The following ABLIM3 variants were observed in gnomAD, a reference collection of about 807,000 sequenced individuals.
ABLIM3 encodes actin-binding LIM protein 3.
A neutral mutation model predicts 109.5 loss-of-function variants in ABLIM3; 61 were observed. The observed-to-expected ratio is 0.56, with a 90% CI of 0.45 to 0.69. The LOEUF is 0.69. Ranked by LOEUF, ABLIM3 falls within the 30% of genes least tolerant of loss-of-function variation. ABLIM3 has a pLI of 0.00. For missense variants in ABLIM3, 796 were observed against 889.5 expected, an observed-to-expected ratio of 0.89 and a Z score of 1.34; for synonymous variants, 300 against 324.8, an observed-to-expected ratio of 0.92 and a Z score of 0.82.
intron 2 of ABLIM3, among the ~76,000 whole-genome samples, chr5:149,164,978 C>T (rs918901713): frequency 1.3e-5 from 2 of 152,168 alleles, no homozygotes. Context: ...AACATATGCT[C>T]AGTTGTAGAA....
intron 3 of ABLIM3, among the ~76,000 whole-genome samples, chr5:149,188,202 A>C (rs536008376): frequency 6.6e-6 from 1 of 152,340 alleles, no homozygotes; most frequent in African/African-American, 2.4e-5. Context: ...AAAGGCATCC[A>C]GATTAAAAAG....
intron 17 of ABLIM3, 98 bp from the exon 18 acceptor site, chr5:149,247,684 G>C: frequency 6.7e-7 from 1 of 1,485,152 alleles, no homozygotes; most frequent in Non-Finnish European, 9.3e-7. Context: ...AGAGCAGGCT[G>C]CTATGGAGGA....
intron 18 of ABLIM3, among the ~76,000 whole-genome samples, chr5:149,249,560 C>T (rs1203611379): frequency 6.6e-6 from 1 of 152,166 alleles, no homozygotes; most frequent in Non-Finnish European, 1.5e-5. Flanking sequence ...CTTGTTCAAC[C>T]ACATCTGTGC....
intron 2 of ABLIM3, among the ~76,000 whole-genome samples, chr5:149,155,975 T>G (rs142252607): frequency 6.6e-6 from 1 of 152,282 alleles, no homozygotes; most frequent in Non-Finnish European, 1.5e-5. Flanking sequence ...AACACATACC[T>G]CATGCATCAG....
chr5:149,181,884 T>C (rs1452692398), intron 2 of ABLIM3, among the ~76,000 whole-genome samples: 1 of 152,252 alleles, frequency 6.6e-6, no homozygotes, highest in Non-Finnish European at 1.5e-5. Context: ...TTTACAGTTC[T>C]GTTCCATGAC....
intron 8 of ABLIM3, among the ~76,000 whole-genome samples, chr5:149,227,992 G>A (rs1019796803): frequency 6.6e-6 from 1 of 151,978 alleles, no homozygotes; most frequent in Admixed American, 6.6e-5. Context: ...TTATCTTCTC[G>A]GTACAGTAAA....
At chr5:149,242,689 C>G (rs1196032328) in intron 15 of ABLIM3, 151 bp downstream of exon 15, 1 of 795,812 alleles carries the variant, frequency 1.3e-6, no homozygotes, top group Non-Finnish European at 2.2e-6. Flanking sequence ...CCCAGGGTGA[C>G]ATTAGGGCAG....
intron 2 of ABLIM3, among the ~76,000 whole-genome samples, chr5:149,179,843 C>T (rs1756304105): frequency 6.6e-6 from 1 of 151,902 alleles, no homozygotes; most frequent in Admixed American, 6.6e-5. Context: ...TTTCAAGTGC[C>T]CAGTGGTCAC....
chr5:149,225,492 A>C (rs1371984904), intron 8 of ABLIM3, among the ~76,000 whole-genome samples: 1 of 152,252 alleles, frequency 6.6e-6, no homozygotes, highest in East Asian at 1.9e-4. Context: ...TCAGCAGGTC[A>C]TTCCTTTTAT....
intron 19 of ABLIM3, 84 bp from the exon 20 acceptor site, chr5:149,250,363 T>G: frequency 7.2e-7 from 1 of 1,390,490 alleles, no homozygotes; most frequent in Non-Finnish European, 1.0e-6. Flanking sequence ...GGGAGCAGTG[T>G]TGGCCATTGG....
chr5:149,253,949 T>C (rs1025981830), intron 23 of ABLIM3, among the ~76,000 whole-genome samples: 2 of 152,176 alleles, frequency 1.3e-5, no homozygotes, highest in Non-Finnish European at 1.5e-5. Flanking sequence ...CTCACAATCA[T>C]GGTGGAAGGC....
chr5:149,172,337 A>T (rs1434559993), intron 2 of ABLIM3, among the ~76,000 whole-genome samples: 1 of 152,168 alleles, frequency 6.6e-6, no homozygotes, highest in Non-Finnish European at 1.5e-5. Context: ...TGTTTCACAT[A>T]TTCGTGTACT....
chr5:149,168,526 T>C (rs1239645367), intron 2 of ABLIM3, among the ~76,000 whole-genome samples: 1 of 152,160 alleles, frequency 6.6e-6, no homozygotes, highest in African/African-American at 2.4e-5. Context: ...CTCTGCCTGA[T>C]GGGAGATGGC....
At chr5:149,166,932 G>T (rs1297811832) in intron 2 of ABLIM3, among the ~76,000 whole-genome samples, 1 of 152,182 alleles carries the variant, frequency 6.6e-6, no homozygotes, top group East Asian at 1.9e-4. Context: ...CTGAGCCATA[G>T]TTTGCTTATT....
At position 149,175,462 on chromosome 5, in the gene ABLIM3, CTAA is replaced by C. The variant is rs753248382; in HGVS notation, c.14-7986_14-7984del. ...GCAGAAAGGGCTTCTTTATGCCCAGCTAATAAGAATGGTTCCCTGGCACATGGG... is the reference window on the plus strand; with the variant it reads ...GCAGAAAGGGCTTCTTTATGCCCAGCTAAGAATGGTTCCCTGGCACATGGG... On this transcript the variant is annotated intron_variant, in intron 2 of 23. Transcript: ENST00000309868. Among the ~76,000 whole-genome samples, 17 of 152,264 alleles carry C rather than the reference CTAA, an allele frequency of 1.1e-4. No homozygotes were observed. The East Asian group carries it at 3.3e-3, about 29-fold the overall frequency.
chr5:149,194,280 T>C (rs560269254), intron 3 of ABLIM3, among the ~76,000 whole-genome samples: 1 of 152,264 alleles, frequency 6.6e-6, no homozygotes, highest in East Asian at 1.9e-4. Flanking sequence ...TGAAAAAAAT[T>C]CTCAATTTGA....
At chr5:149,169,976 C>CT (rs573225442) in intron 2 of ABLIM3, among the ~76,000 whole-genome samples, 13 of 152,110 alleles carry the variant, frequency 8.5e-5, no homozygotes, top group Non-Finnish European at 1.8e-4. Flanking sequence ...GCTCCTATCT[C>CT]TTTTTTTAAC....
At chr5:149,236,721 A>G (rs2127554226) in intron 10 of ABLIM3, among the ~76,000 whole-genome samples, 1 of 152,238 alleles carries the variant, frequency 6.6e-6, no homozygotes, top group Non-Finnish European at 1.5e-5. Context: ...CCATCCCGAG[A>G]AGACAGGAGA....
chr5:149,157,354 C>G (rs1443272347), intron 2 of ABLIM3, among the ~76,000 whole-genome samples: 1 of 152,040 alleles, frequency 6.6e-6, no homozygotes, highest in Non-Finnish European at 1.5e-5. Context: ...CCTTTGCTCC[C>G]GATTCACATT....
Sources: gnomAD v4.1 joint callset for allele counts (sites outside exome capture counted in the v4.1 genomes callset) on GRCh38, gnomAD v4.1.1 for gene constraint, MANE v1.5 for transcripts, NCBI Gene and HGNC (gene_info 2026-07-23, HGNC 2026-07-21) for gene names.